CACNG2: variants seen among roughly 807,000 people sequenced by gnomAD.
CACNG2 encodes the protein calcium voltage-gated channel auxiliary subunit gamma 2, also known as voltage-dependent calcium channel gamma-2 subunit.
CACNG2 carries 3 observed loss-of-function variants against 25.9 expected under a neutral mutation model. The ratio of observed to expected loss-of-function variants is 0.12; its 90% confidence interval spans 0.05 to 0.30. CACNG2 has a LOEUF of 0.30. Ranked by LOEUF, CACNG2 falls within the 10% of genes least tolerant of loss-of-function variation. CACNG2 has a pLI of 1.00. For missense variants in CACNG2, 341 were observed against 432.5 expected (o/e 0.79, Z 1.88); for synonymous variants, 167 against 173.3 (o/e 0.96, Z 0.29).
At chr22:36,691,596 G>A (rs1937268891) in intron 1 of CACNG2, among the ~76,000 whole-genome samples, 1 of 152,182 alleles carries the variant, frequency 6.6e-6, no homozygotes, top group Non-Finnish European at 1.5e-5. Flanking sequence ...GTCATAGAAG[G>A]CTGTACACAG....
chr22:36,630,830 A>G (rs1003419843), intron 1 of CACNG2, among the ~76,000 whole-genome samples: 5 of 151,862 alleles, frequency 3.3e-5, no homozygotes, highest in Non-Finnish European at 7.4e-5. Context: ...CAGATTCTTG[A>G]GCTATTTGTT....
At chr22:36,614,985 G>A (rs567347506) in intron 1 of CACNG2, among the ~76,000 whole-genome samples, 1 of 152,264 alleles carries the variant, frequency 6.6e-6, no homozygotes, top group South Asian at 2.1e-4. Context: ...AGATGACAAG[G>A]GCCTCTGTCA....
chr22:36,586,436 C>A (rs539077277), intron 2 of CACNG2, among the ~76,000 whole-genome samples: 1 of 152,212 alleles, frequency 6.6e-6, no homozygotes, highest in Non-Finnish European at 1.5e-5. Context: ...AAAATTGCAT[C>A]GTGTTCCCTC....
In CACNG2 at chr22:36,571,002, C is replaced by T. The variant is rs140467262; in HGVS notation, c.296-4509G>A. Among the ~76,000 whole-genome samples the T allele has an allele frequency of 4.6e-5, 7 of 152,242 alleles. No homozygotes were observed. The East Asian group carries it at 1.4e-3, about 29-fold the overall frequency. On this transcript the variant is annotated intron_variant, in intron 2 of 3. Transcript: ENST00000300105. ...TTTGAATCCTCGCTTTGTCAGTTAT[C>T]AACAGTGTGACCCTTGGGCAAGGGT... is the stretch of plus-strand genomic sequence containing the variant.
At chr22:36,631,277 A>G (rs1266306935) in intron 1 of CACNG2, among the ~76,000 whole-genome samples, 5 of 152,288 alleles carry the variant, frequency 3.3e-5, no homozygotes, top group Admixed American at 1.3e-4. Context: ...CAGTGGAGGA[A>G]GGTGAAGAAG....
At chr22:36,580,577 G>A (rs1219178997) in intron 2 of CACNG2, among the ~76,000 whole-genome samples, 1 of 152,072 alleles carries the variant, frequency 6.6e-6, no homozygotes, top group African/African-American at 2.4e-5. Flanking sequence ...ACCCCCTGGA[G>A]GGAGTACGTC....
At chr22:36,666,045 A>T (rs146567588) in intron 1 of CACNG2, among the ~76,000 whole-genome samples, 1 of 152,358 alleles carries the variant, frequency 6.6e-6, no homozygotes, top group Non-Finnish European at 1.5e-5. Context: ...TTCAAAAGGA[A>T]GGCTGTTACG....
chr22:36,611,300 G>A (rs1383189502), intron 1 of CACNG2, among the ~76,000 whole-genome samples: 1 of 152,150 alleles, frequency 6.6e-6, no homozygotes, highest in Non-Finnish European at 1.5e-5. Context: ...TTCTGTGCTT[G>A]GAACTCTGCA....
chr22:36,694,899 G>A (rs1034990493), intron 1 of CACNG2, among the ~76,000 whole-genome samples: 1 of 152,142 alleles, frequency 6.6e-6, no homozygotes, highest in East Asian at 1.9e-4. Context: ...TCAGATCGGC[G>A]TGGAAGCAAA....
At chr22:36,599,475 G>C (rs1277725495) in intron 1 of CACNG2, among the ~76,000 whole-genome samples, 1 of 152,162 alleles carries the variant, frequency 6.6e-6, no homozygotes, top group African/African-American at 2.4e-5. Context: ...GGAGGTGGGA[G>C]GATCGCATGA....
chr22:36,675,202 AT>A (rs1204921568), intron 1 of CACNG2, among the ~76,000 whole-genome samples: 3 of 151,280 alleles, frequency 2.0e-5, no homozygotes, highest in African/African-American at 4.9e-5. Context: ...ATACCCAGCT[AT>A]TTTTTTTCTT....
Position 36,587,375 on chromosome 22 carries a change from C to T in CACNG2, c.295+90G>A, listed in dbSNP as rs1935521691. ...TCCTGCCCTCTGCTGTGATGAGGGC[C>T]TCTAGGTAGGCCTGGTCCTTGACTC... On this transcript the variant is annotated intron_variant, in intron 2 of 3. Transcript: ENST00000300105. 8.6e-6 allele frequency: 8 copies of T among 935,256 alleles called. No homozygotes were observed. The East Asian group carries it at 1.9e-4, about 22-fold the overall frequency. The allele number at this position is 935,256 out of a possible 1,614,324, so 57.9% of individuals were successfully genotyped here. A position where few individuals can be genotyped will look rare whatever the true frequency, so the allele number is the denominator to read the frequency against.
At chr22:36,671,553 G>A (rs923209053) in intron 1 of CACNG2, among the ~76,000 whole-genome samples, 1 of 152,226 alleles carries the variant, frequency 6.6e-6, no homozygotes, top group African/African-American at 2.4e-5. Flanking sequence ...GTTACCCAGT[G>A]TCTTAAGGCA....
At chr22:36,637,615 C>T (rs1936378071) in intron 1 of CACNG2, among the ~76,000 whole-genome samples, 1 of 152,124 alleles carries the variant, frequency 6.6e-6, no homozygotes, top group Non-Finnish European at 1.5e-5. Context: ...TGACAATCGT[C>T]CTGGGGAGGC....
intron 1 of CACNG2, among the ~76,000 whole-genome samples, chr22:36,688,539 CAAAAA>C (rs35964599): frequency 2.9e-5 from 2 of 70,140 alleles, no homozygotes; most frequent in Admixed American, 1.5e-4. Context: ...GACCCTGTCT[CAAAAA>C]AAAAAAAAAA....
At chr22:36,671,424 T>G (rs577539705) in intron 1 of CACNG2, among the ~76,000 whole-genome samples, 1 of 152,164 alleles carries the variant, frequency 6.6e-6, no homozygotes, top group Non-Finnish European at 1.5e-5. Flanking sequence ...GCTTAAATAA[T>G]TCATCCCCTT....
At chr22:36,579,407 A>C (rs1935376821) in intron 2 of CACNG2, among the ~76,000 whole-genome samples, 1 of 130,028 alleles carries the variant, frequency 7.7e-6, no homozygotes, top group Admixed American at 7.5e-5. Context: ...TCTGTCTCAA[A>C]AAAAAAAAAA....
intron 2 of CACNG2, among the ~76,000 whole-genome samples, chr22:36,573,732 C>T (rs187629611): frequency 3.9e-5 from 6 of 152,318 alleles, no homozygotes; most frequent in African/African-American, 1.2e-4. Flanking sequence ...CAGTCTGACT[C>T]TAGGGTCTGT....
At chr22:36,669,368 C>G (rs1442595030) in intron 1 of CACNG2, among the ~76,000 whole-genome samples, 1 of 151,570 alleles carries the variant, frequency 6.6e-6, no homozygotes, top group Non-Finnish European at 1.5e-5. Flanking sequence ...ATTAGCCAGT[C>G]ATGGTGGTGG....
Sources: allele counts gnomAD v4.1 joint callset (sites outside exome capture counted in the v4.1 genomes callset), GRCh38; gene constraint gnomAD v4.1.1; transcripts MANE v1.5; gene names NCBI Gene and HGNC (gene_info 2026-07-23, HGNC 2026-07-21).